QTGAL: variants seen among roughly 807,000 people sequenced by gnomAD.
QTGAL encodes BGnT-like protein 1.
At chr17:82,947,046 C>G in the QTGAL span, 1 of 1,439,488 alleles carries the variant, frequency 6.9e-7, no homozygotes, top group Non-Finnish European at 9.5e-7. Context: ...ACTGTGGAGC[C>G]TCCTCCAGGG....
At chr17:83,037,975 C>T in the QTGAL span, among the ~76,000 whole-genome samples, 5 of 151,972 alleles carry the variant, frequency 3.3e-5, no homozygotes, top group African/African-American at 4.8e-5. This position sits in a 1 kb window ranked among gnomAD's most constrained non-coding sequence, Gnocchi z 5.2. Flanking sequence ...CACACGGCGG[C>T]GAGATATTAA....
chr17:82,954,173 G>A, the QTGAL span, among the ~76,000 whole-genome samples: 1 of 152,084 alleles, frequency 6.6e-6, no homozygotes, highest in Admixed American at 6.6e-5. Context: ...GAAATAAAGA[G>A]TATTCAGATA....
the QTGAL span, chr17:82,947,194 A>G: frequency 1.9e-6 from 1 of 514,532 alleles, no homozygotes; most frequent in Non-Finnish European, 3.5e-6. Flanking sequence ...TGGTCACCAG[A>G]GGGGAGGCCC....
chr17:82,985,873 ATCG>A, the QTGAL span, among the ~76,000 whole-genome samples: 12 of 6,006 alleles, frequency 2.0e-3, no homozygotes, highest in African/African-American at 5.3e-3. Flanking sequence ...ATTAAAAATC[ATCG>A]TGTATTCCAG....
the QTGAL span, among the ~76,000 whole-genome samples, chr17:83,028,404 G>T: frequency 6.6e-6 from 1 of 150,726 alleles, no homozygotes; most frequent in Non-Finnish European, 1.5e-5. Flanking sequence ...GGCGCCTGTA[G>T]TCCCAGCTAC....
At chr17:82,953,280 A>C in the QTGAL span, among the ~76,000 whole-genome samples, 3 of 152,100 alleles carry the variant, frequency 2.0e-5, no homozygotes, top group African/African-American at 7.2e-5. Context: ...ACCACTAGCC[A>C]GGCAAAGAAA....
chr17:83,025,857 T>A, the QTGAL span, among the ~76,000 whole-genome samples: 1 of 152,220 alleles, frequency 6.6e-6, no homozygotes, highest in Non-Finnish European at 1.5e-5. Context: ...TACATCCCTG[T>A]CGTGACGGGA....
chr17:83,031,752 A>G, the QTGAL span, among the ~76,000 whole-genome samples: 4 of 152,242 alleles, frequency 2.6e-5, no homozygotes, highest in Admixed American at 2.0e-4. Flanking sequence ...TTCATGAGCA[A>G]AAGGTGAAGA....
At chr17:83,028,579 G>A in the QTGAL span, among the ~76,000 whole-genome samples, 3 of 151,506 alleles carry the variant, frequency 2.0e-5, no homozygotes, top group South Asian at 6.3e-4. Context: ...CAGCCATCAG[G>A]AAAATGTCAA....
the QTGAL span, chr17:83,035,182 CT>C: frequency 0.27 from 250,699 of 913,588 alleles, 12,051 homozygotes; most frequent in Middle Eastern, 0.3. Flanking sequence ...ATATGATATT[CT>C]TTTTTTTTTT....
At chr17:82,969,500 C>A in the QTGAL span, among the ~76,000 whole-genome samples, 1 of 152,004 alleles carries the variant, frequency 6.6e-6, no homozygotes, top group Non-Finnish European at 1.5e-5. Context: ...TGAGCCACTG[C>A]CCCGGCCTAA....
chr17:82,966,936 T>C, the QTGAL span, among the ~76,000 whole-genome samples: 1 of 152,220 alleles, frequency 6.6e-6, no homozygotes, highest in East Asian at 1.9e-4. Context: ...ACTGAGGATG[T>C]ACGTTCGGCG....
chr17:83,010,357 C>T, the QTGAL span, among the ~76,000 whole-genome samples: 1 of 152,194 alleles, frequency 6.6e-6, no homozygotes, highest in Admixed American at 6.5e-5. Context: ...GGCAGCCGTC[C>T]AGTGTGACCC....
the QTGAL span, among the ~76,000 whole-genome samples, chr17:83,044,773 G>A: frequency 1.2e-4 from 19 of 152,118 alleles, no homozygotes; most frequent in Admixed American, 7.2e-4. Flanking sequence ...GCGAAACCCC[G>A]TCTCTACTAG....
the QTGAL span, among the ~76,000 whole-genome samples, chr17:83,034,156 T>C: frequency 3.3e-5 from 5 of 151,886 alleles, no homozygotes; most frequent in Non-Finnish European, 5.9e-5. Flanking sequence ...GCCGGGCTGG[T>C]TTCAAACTCC....
the QTGAL span, chr17:82,956,796 T>G: frequency 6.4e-7 from 1 of 1,559,766 alleles, no homozygotes; most frequent in South Asian, 1.2e-5. The surrounding 1 kb of genome is among the most constrained non-coding windows in gnomAD (Gnocchi z 5.7). Context: ...CCATCAGTCC[T>G]GCCCGAGCCT....
At chr17:82,970,524 C>A in the QTGAL span, among the ~76,000 whole-genome samples, 16,127 of 116,338 alleles carry the variant, frequency 0.14, 1,712 homozygotes, top group East Asian at 0.24. Context: ...TCCTCCCCAC[C>A]CAGCGTGGCC....
the QTGAL span, chr17:83,006,339 TG>T: frequency 1.0e-6 from 1 of 985,484 alleles, no homozygotes; most frequent in Non-Finnish European, 1.2e-6. This position sits in a 1 kb window ranked among gnomAD's most constrained non-coding sequence, Gnocchi z 5.8. Flanking sequence ...ATGACGTGCT[TG>T]GGGGAGGCTT....
the QTGAL span, among the ~76,000 whole-genome samples, chr17:83,017,506 C>G: frequency 1.3e-5 from 2 of 152,036 alleles, no homozygotes; most frequent in African/African-American, 2.4e-5. Flanking sequence ...GCCTGTAGTC[C>G]CAGCTACTCA....
Sources: allele counts gnomAD v4.1 joint callset (sites outside exome capture counted in the v4.1 genomes callset), GRCh38; gene constraint gnomAD v4.1.1; non-coding constraint Gnocchi (gnomAD v3.1); transcripts MANE v1.5; gene names NCBI Gene and HGNC (gene_info 2026-07-23, HGNC 2026-07-21).